TBCK: variants seen among roughly 807,000 people sequenced by gnomAD.
TBCK encodes TBC domain-containing protein kinase-like protein.
TBCK carries 99 observed loss-of-function variants against 113.4 expected under a neutral mutation model. That is an observed-to-expected ratio of 0.87 (90% CI 0.74 to 1.03). TBCK has a LOEUF of 1.03. Ranked by LOEUF, TBCK falls within the 50% of genes least tolerant of loss-of-function variation. The pLI, the probability that TBCK is intolerant of heterozygous loss-of-function variation, is 0.00. For missense variants in TBCK, 1,045 were observed against 1,061.3 expected (o/e 0.98, Z 0.21); for synonymous variants, 369 against 370.8 (o/e 1.00, Z 0.05).
intron 25 of TBCK, among the ~76,000 whole-genome samples, chr4:106,048,796 A>G (rs553865022): frequency 6.6e-6 from 1 of 152,276 alleles, no homozygotes; most frequent in South Asian, 2.1e-4. Flanking sequence ...TATGCTGTAG[A>G]GCTGGAAAGA....
intron 10 of TBCK, among the ~76,000 whole-genome samples, chr4:106,246,284 G>C (rs1446935536): frequency 6.6e-6 from 1 of 152,092 alleles, no homozygotes; most frequent in Non-Finnish European, 1.5e-5. Flanking sequence ...CACATACCAG[G>C]AACTCAATAA....
At chr4:106,228,158 T>C (rs751882010) in intron 19 of TBCK, among the ~76,000 whole-genome samples, 13 of 151,974 alleles carry the variant, frequency 8.6e-5, no homozygotes, top group Admixed American at 3.3e-4. Flanking sequence ...TACATTGATA[T>C]AGACATGCAA....
intron 3 of TBCK, among the ~76,000 whole-genome samples, chr4:106,268,446 T>G (rs933732986): frequency 6.6e-6 from 1 of 152,014 alleles, no homozygotes; most frequent in Non-Finnish European, 1.5e-5. Flanking sequence ...AAAATAGGTG[T>G]TAAAATACAT....
chr4:106,078,128 G>A (rs989434772), intron 25 of TBCK, among the ~76,000 whole-genome samples: 39 of 152,146 alleles, frequency 2.6e-4, no homozygotes, highest in African/African-American at 8.9e-4. Flanking sequence ...TTGGGACACA[G>A]TTACAGTTGC....
intron 23 of TBCK, among the ~76,000 whole-genome samples, chr4:106,128,580 T>C (rs1196798254): frequency 6.6e-6 from 1 of 152,058 alleles, no homozygotes; most frequent in Non-Finnish European, 1.5e-5. Flanking sequence ...CAAAATAAAC[T>C]ACCTAGAATT....
chr4:106,088,795 G>A (rs556917920), intron 25 of TBCK, among the ~76,000 whole-genome samples: 1 of 152,272 alleles, frequency 6.6e-6, no homozygotes, highest in Non-Finnish European at 1.5e-5. Context: ...GGATGAAGCT[G>A]GAAGCCATCA....
intron 20 of TBCK, among the ~76,000 whole-genome samples, chr4:106,203,747 T>G (rs545237011): frequency 1.7e-4 from 26 of 152,222 alleles, no homozygotes; most frequent in African/African-American, 6.0e-4. Context: ...TTTCAATTAT[T>G]TCATTGATTA....
At chr4:106,316,408 G>T, upstream of TBCK, 1 of 778,492 alleles carries the variant, frequency 1.3e-6, no homozygotes, top group Non-Finnish European at 2.2e-6. Context: ...CGAGGAGCGT[G>T]GTATGGCAGG....
At chr4:106,133,860 A>C (rs1410977863) in intron 23 of TBCK, among the ~76,000 whole-genome samples, 1 of 152,118 alleles carries the variant, frequency 6.6e-6, no homozygotes, top group African/African-American at 2.4e-5. Flanking sequence ...AACTACAAAA[A>C]TTAGCCGGGC....
intron 22 of TBCK, among the ~76,000 whole-genome samples, chr4:106,177,143 C>T (rs1394480605): frequency 1.3e-5 from 2 of 151,828 alleles, no homozygotes; most frequent in Non-Finnish European, 2.9e-5. Flanking sequence ...GTCTCTATGT[C>T]TCCTTTTCAG....
chr4:106,198,639 T>C (rs574029721), intron 20 of TBCK, among the ~76,000 whole-genome samples: 1 of 152,258 alleles, frequency 6.6e-6, no homozygotes, highest in Admixed American at 6.5e-5. Flanking sequence ...AATATAGTTG[T>C]ATTATATATA....
chr4:106,200,994 T>TA (rs1173879473), intron 20 of TBCK, among the ~76,000 whole-genome samples: 2 of 152,006 alleles, frequency 1.3e-5, no homozygotes, highest in Non-Finnish European at 2.9e-5. Context: ...GGCATGTATT[T>TA]AAAAAAATTA....
At chr4:106,287,891 C>A (rs539996613) in intron 3 of TBCK, among the ~76,000 whole-genome samples, 1 of 152,102 alleles carries the variant, frequency 6.6e-6, no homozygotes, top group African/African-American at 2.4e-5. Flanking sequence ...TGTTCTGATC[C>A]AAAGGAATTA....
At chr4:106,218,991 C>A (rs979768888) in intron 19 of TBCK, among the ~76,000 whole-genome samples, 1 of 151,828 alleles carries the variant, frequency 6.6e-6, no homozygotes, top group Non-Finnish European at 1.5e-5. Flanking sequence ...CAATGATAGA[C>A]TGGATTAAGA....
At chr4:106,253,551 A>C (rs1378694429) in intron 5 of TBCK, among the ~76,000 whole-genome samples, 1 of 152,176 alleles carries the variant, frequency 6.6e-6, no homozygotes, top group African/African-American at 2.4e-5. Flanking sequence ...GAGTTATACC[A>C]ATCTATACAC....
intron 3 of TBCK, among the ~76,000 whole-genome samples, chr4:106,289,501 T>G (rs1433066766): frequency 1.3e-5 from 2 of 152,118 alleles, no homozygotes; most frequent in Non-Finnish European, 2.9e-5. Flanking sequence ...CCAGGCGCGG[T>G]GGCTCATGCC....
chr4:106,187,220 G>C (rs1432726079), intron 22 of TBCK, among the ~76,000 whole-genome samples: 1 of 151,892 alleles, frequency 6.6e-6, no homozygotes, highest in Non-Finnish European at 1.5e-5. Flanking sequence ...TGGTGATTCG[G>C]GCTCTTTTTT....
chr4:106,080,347 A>G (rs984284045), intron 25 of TBCK, among the ~76,000 whole-genome samples: 1 of 152,222 alleles, frequency 6.6e-6, no homozygotes, highest in Non-Finnish European at 1.5e-5. Context: ...ATGGAAAAGG[A>G]TAGAGAAACC....
chr4:106,218,287 A>G lies in TBCK; in HGVS notation c.1775-5452T>C, dbSNP rs1405871133. On this transcript the variant is annotated intron_variant, in intron 19 of 25. Transcript: ENST00000394708. ...AACCCTAGAAGAAAACCTAGGCAATACCATTCAGGACATACGCATGGGCAA... is the reference window on the plus strand; with the variant it reads ...AACCCTAGAAGAAAACCTAGGCAATGCCATTCAGGACATACGCATGGGCAA... Among the ~76,000 whole-genome samples, 4 of 150,962 alleles carry G rather than the reference A, an allele frequency of 2.6e-5. No homozygotes were observed. In the East Asian group the frequency reaches 7.9e-4, roughly 30 times the overall value.
Sources: allele counts gnomAD v4.1 joint callset (sites outside exome capture counted in the v4.1 genomes callset), GRCh38; gene constraint gnomAD v4.1.1; transcripts MANE v1.5; gene names NCBI Gene and HGNC (gene_info 2026-07-23, HGNC 2026-07-21).